SNRNP200: variants seen among roughly 807,000 people sequenced by gnomAD.
SNRNP200 encodes the protein U5 small nuclear ribonucleoprotein 200 kDa helicase.
A neutral mutation model predicts 255.2 loss-of-function variants in SNRNP200; 66 were observed. That is an observed-to-expected ratio of 0.26 (90% CI 0.21 to 0.32). The LOEUF is 0.32. SNRNP200 is among the 10% of genes least tolerant of loss of function. The pLI, the probability that SNRNP200 is intolerant of heterozygous loss-of-function variation, is 1.00. For synonymous variants in SNRNP200, 939 were observed against 1,027.8 expected (o/e 0.91, Z 1.65); for missense variants, 1,585 against 2,749.8 (o/e 0.58, Z 9.47).
Position 96,287,263 on chromosome 2 carries a change from T to C in SNRNP200, c.3485-103A>G, listed in dbSNP as rs1033684554. On this transcript the variant is annotated intron_variant, in intron 26 of 44. Coordinates refer to ENST00000323853, the MANE Select transcript of SNRNP200 (RefSeq NM_014014.5). This position sits in a 1 kb window ranked among gnomAD's most constrained non-coding sequence, Gnocchi z 5.7. ...GGAAAGGGGTAGGGTCTTCCCTTTA[T>C]GGTCAGTGGAGCCCAGGATTCCAAG... The C allele has an allele frequency of 2.1e-5, 31 of 1,450,936 alleles. No homozygotes were observed. The highest frequency in any genetic ancestry group is 1.9e-4 in the Middle Eastern group (1 of 5,172). 89.9% of individuals were successfully genotyped at this position (1,450,936 alleles called of 1,614,324 possible). A position where few individuals can be genotyped will look rare whatever the true frequency, so the allele number is the denominator to read the frequency against.
At chr2:96,285,636 T>A (rs556303349) in intron 29 of SNRNP200, among the ~76,000 whole-genome samples, 1 of 152,356 alleles carries the variant, frequency 6.6e-6, no homozygotes, top group South Asian at 2.1e-4. Flanking sequence ...ACATTCTTCT[T>A]TGCTTCTCAG....
At position 96,287,695 on chromosome 2, in the gene SNRNP200, T is replaced by C; in HGVS notation, c.3366-138A>G. The C allele has an allele frequency of 3.3e-6, 3 of 914,664 alleles. No individual in the cohort carries two copies. The South Asian group carries it at 3.9e-5, about 12-fold the overall frequency. The allele number at this position is 914,664 out of a possible 1,614,324, so 56.7% of individuals were successfully genotyped here. ...GCAGACACTGACACTGTGCCAGCCC[T>C]GGCCTCCACCACAGAGGGCCTTCCC... On this transcript the variant is annotated intron_variant, in intron 25 of 44. Transcript: ENST00000323853. This position sits in a 1 kb window ranked among gnomAD's most constrained non-coding sequence, Gnocchi z 5.7.
chr2:96,301,467 T>C, intron 4 of SNRNP200, 57 bp downstream of exon 4: 8 of 1,532,622 alleles, frequency 5.2e-6, no homozygotes, highest in Admixed American at 1.7e-5. Context: ...AGAAGATGCA[T>C]GTTTAGGGGT....
intron 34 of SNRNP200, chr2:96,282,765 G>A: frequency 3.5e-6 from 1 of 288,322 alleles, no homozygotes; most frequent in South Asian, 3.5e-5. Context: ...GGCCTTCCCA[G>A]AAGCAGATAA....
intron 5 of SNRNP200, among the ~76,000 whole-genome samples, chr2:96,299,779 G>A (rs913273532): frequency 4.6e-5 from 7 of 152,206 alleles, no homozygotes; most frequent in East Asian, 1.9e-4. Context: ...TGGTGACTCC[G>A]GAATGAAGAG....
At chr2:96,305,370 T>C in intron 1 of SNRNP200, 23 bp downstream of exon 1, 1 of 1,614,062 alleles carries the variant, frequency 6.2e-7, no homozygotes, top group Non-Finnish European at 8.5e-7. Context: ...GAGCCTGGAA[T>C]CCTTCCCCAA....
Position 96,287,178 on chromosome 2 carries a change from T to A in SNRNP200, c.3485-18A>T. ...AAGCTCCCCTACAAGGAAATGAGAG[T>A]ACTGAGGCTGCAGCCCAGCCTGCCT... is the stretch of plus-strand genomic sequence containing the variant. On this transcript the variant is annotated intron_variant, in intron 26 of 44. Transcript: ENST00000323853. The surrounding 1 kb of genome is among the most constrained non-coding windows in gnomAD (Gnocchi z 5.7). 1 of 1,614,016 alleles carries A rather than the reference T, an allele frequency of 6.2e-7. No homozygotes were observed.
Position 96,285,242 on chromosome 2 carries a change from G to A in SNRNP200, c.4102C>T (p.Leu1368=). Residue 1368 remains leucine (L), a synonymous_variant, in exon 30 of 45, where the codon CTG becomes TTG. Coordinates refer to ENST00000323853, the MANE Select transcript of SNRNP200 (RefSeq NM_014014.5). ...CAGCGCCCCTCCGAGCTCTGCAGCA[G>A]CATTCGCAGGATGGCAAACTCTGCA... ...ICAEFAILRM[L]LQSSEGRCVY... 6.2e-7 allele frequency: 1 copy of A among 1,614,198 alleles called. No homozygotes were observed. Among genetic ancestry groups the A allele is most frequent in the South Asian group, 1.1e-5 (1 of 91,088 alleles).
chr2:96,291,136 C>T lies in SNRNP200; in HGVS notation c.2421+256G>A, dbSNP rs1286866666. 6.6e-6 allele frequency among the ~76,000 whole-genome samples: 1 copy of T among 152,152 alleles called. No homozygotes were observed. The highest frequency in any genetic ancestry group is 1.5e-5 in the Non-Finnish European group (1 of 68,026). ...CAAGGGCACGCGTGCCCCCATGAGA[C>T]ACTGTTTGGAGCTATCTGAAGTCAC... On this transcript the variant is annotated intron_variant, in intron 18 of 44. Transcript: ENST00000323853. This position sits in a 1 kb window ranked among gnomAD's most constrained non-coding sequence, Gnocchi z 4.2.
chr2:96,301,811 C>A (rs902994342), intron 3 of SNRNP200, 95 bp from the exon 4 acceptor site: 1 of 1,327,708 alleles, frequency 7.5e-7, no homozygotes, highest in Non-Finnish European at 1.1e-6. Flanking sequence ...AAGAGCCACA[C>A]CTCTTCAAAA....
At position 96,283,602 on chromosome 2, in the gene SNRNP200, G is replaced by A. The variant is rs943615586; in HGVS notation, c.4696C>T (p.Arg1566Cys). The A allele has an allele frequency of 2.5e-6, 4 of 1,613,948 alleles. No homozygotes were observed. Among genetic ancestry groups the A allele is most frequent in the Non-Finnish European group, 3.4e-6 (4 of 1,180,052 alleles). ...ATGGCAGTGAGGCGGGTCTGCTTGC[G>A]AGACGGCACAAAGACAATGACAGGC... ...KKPVIVFVPS[R>C]KQTRLTAIDI... The change falls in exon 33 of 45, where the codon CGC (arginine) becomes TGC (cysteine). Residue 1566 changes from arginine to cysteine, a missense_variant. Arg to Cys is a radical substitution (Grantham distance 180). Transcript: ENST00000323853. The surrounding 1 kb of genome is among the most constrained non-coding windows in gnomAD (Gnocchi z 4.7).
chr2:96,289,150 C>T (rs1206841775), intron 22 of SNRNP200, 33 bp from the exon 23 acceptor site: 2 of 1,613,918 alleles, frequency 1.2e-6, no homozygotes, highest in Non-Finnish European at 1.7e-6. Flanking sequence ...AAGGGAAAGC[C>T]TTGTGGCCGA....
rs375573981 is a variant in SNRNP200 at position 96,286,006 on chromosome 2, T to C, written c.4003+305A>G. On this transcript the variant is annotated intron_variant, in intron 29 of 44. Transcript: ENST00000323853. This position sits in a 1 kb window ranked among gnomAD's most constrained non-coding sequence, Gnocchi z 4.8. ...TCATGATGTGGTGAGGAGGCTTCAG[T>C]GCCACCCCATGGTTCTGGTTCAATA... Among the ~76,000 whole-genome samples, 24 of 152,338 alleles carry C rather than the reference T, an allele frequency of 1.6e-4. No homozygotes were observed. The East Asian group carries it at 4.4e-3, about 28-fold the overall frequency.
chr2:96,288,624 A>G, intron 24 of SNRNP200, 39 bp downstream of exon 24: 2 of 1,550,554 alleles, frequency 1.3e-6, no homozygotes, highest in Non-Finnish European at 1.8e-6. Context: ...TGAACTGTTC[A>G]GGCCCCTTCT....
chr2:96,300,500 C>G (rs1473591571), intron 5 of SNRNP200, among the ~76,000 whole-genome samples: 1 of 152,158 alleles, frequency 6.6e-6, no homozygotes, highest in Non-Finnish European at 1.5e-5. Context: ...GTGGCTCACA[C>G]CCGTAATCCC....
chr2:96,305,512 C>T lies in SNRNP200; in HGVS notation c.-75G>A, dbSNP rs898699123. Reference sequence around the variant, plus strand: ...CTGCAAACGGCCGCAGATCTCTGCTCCCGCCGCGCCGGAACGACGCAGGAA... The same window carrying T: ...CTGCAAACGGCCGCAGATCTCTGCTTCCGCCGCGCCGGAACGACGCAGGAA... On this transcript the variant is annotated 5_prime_UTR_variant, in exon 1 of 45. Coordinates refer to ENST00000323853, the MANE Select transcript of SNRNP200 (RefSeq NM_014014.5). 3.9e-5 allele frequency: 63 copies of T among 1,595,888 alleles called. No individual in the cohort carries two copies. The highest frequency in any genetic ancestry group is 5.2e-5 in the Non-Finnish European group (61 of 1,166,958).
chr2:96,303,613 G>C (rs542104978), intron 2 of SNRNP200, among the ~76,000 whole-genome samples: 18 of 152,302 alleles, frequency 1.2e-4, no homozygotes, highest in Non-Finnish European at 5.9e-5. Flanking sequence ...CCTTTGGCCA[G>C]GTGCAGTGGT....
rs1237048267 is a variant in SNRNP200 at position 96,290,036 on chromosome 2, CTT to C, written c.2743-42_2743-41del. On this transcript the variant is annotated intron_variant, in intron 20 of 44. Coordinates refer to ENST00000323853, the MANE Select transcript of SNRNP200 (RefSeq NM_014014.5). The surrounding 1 kb of genome is among the most constrained non-coding windows in gnomAD (Gnocchi z 4.5). ...TCATGGTTCTTAGCATGGAGAAACT[CTT>C]GATGTCCAAATGACAGGCTCCCATG... 6.3e-7 allele frequency: 1 copy of C among 1,588,232 alleles called. No homozygotes were observed. The highest frequency in any genetic ancestry group is 1.3e-5 in the African/African-American group (1 of 74,378).
intron 4 of SNRNP200, 34 bp from the exon 5 acceptor site, chr2:96,301,087 T>A: frequency 1.3e-6 from 2 of 1,599,142 alleles, no homozygotes; most frequent in Non-Finnish European, 1.7e-6. Flanking sequence ...AAGAGGGCAG[T>A]GAATGGCTAG....
Sources: gnomAD v4.1 joint callset for allele counts (sites outside exome capture counted in the v4.1 genomes callset) on GRCh38, gnomAD v4.1.1 for gene constraint, Gnocchi (gnomAD v3.1) non-coding constraint, MANE v1.5 for transcripts, NCBI Gene and HGNC (gene_info 2026-07-23, HGNC 2026-07-21) for gene names.